PDE1A: variants seen among roughly 807,000 people sequenced by gnomAD.
PDE1A encodes the protein dual specificity calcium/calmodulin-dependent 3',5'-cyclic nucleotide phosphodiesterase 1A.
PDE1A carries 35 observed loss-of-function variants against 61.7 expected under a neutral mutation model. That is an observed-to-expected ratio of 0.57 (90% confidence interval 0.43 to 0.75). PDE1A has a LOEUF of 0.75. Among genes scored for constraint, PDE1A ranks in the 30% least tolerant of loss-of-function variants. The probability of loss-of-function intolerance (pLI) is 0.00; values close to 1 mark genes in which losing one functional copy is unlikely to be tolerated. For missense variants in PDE1A, 597 were observed against 630.6 expected (o/e 0.95, Z 0.57); for synonymous variants, 232 against 213.2 (o/e 1.09, Z -0.77).
At chr2:182,165,337 C>T (rs1691599651), downstream of PDE1A, among the ~76,000 whole-genome samples, 1 of 152,048 alleles carries the variant, frequency 6.6e-6, no homozygotes, top group Non-Finnish European at 1.5e-5. Flanking sequence ...AAAAATGATT[C>T]AACTGAACTG....
the PDE1A span, among the ~76,000 whole-genome samples, chr2:182,533,283 C>G: frequency 6.6e-6 from 1 of 152,190 alleles, no homozygotes; most frequent in Non-Finnish European, 1.5e-5. Flanking sequence ...TGCACTCCAG[C>G]CTGGGTGACA....
chr2:182,360,062 A>G (rs184223571), intron 1 of PDE1A, among the ~76,000 whole-genome samples: 10 of 152,190 alleles, frequency 6.6e-5, no homozygotes, highest in Non-Finnish European at 1.3e-4. Context: ...TGAAAACTAC[A>G]CACTTAAAAT....
At chr2:182,411,004 G>T (rs1324150136) in intron 1 of PDE1A, among the ~76,000 whole-genome samples, 1 of 152,120 alleles carries the variant, frequency 6.6e-6, no homozygotes, top group African/African-American at 2.4e-5. Flanking sequence ...TTTTACTAAG[G>T]TGTAACATTC....
intron 2 of PDE1A, among the ~76,000 whole-genome samples, chr2:182,521,813 T>G (rs964037708): frequency 6.6e-6 from 1 of 152,152 alleles, no homozygotes; most frequent in African/African-American, 2.4e-5. Context: ...AAATATCATT[T>G]AAGCAAAAAG....
At chr2:182,666,055 G>T in the PDE1A span, among the ~76,000 whole-genome samples, 1 of 152,106 alleles carries the variant, frequency 6.6e-6, no homozygotes, top group South Asian at 2.1e-4. Flanking sequence ...AACATACACT[G>T]AGGCCTGTCA....
At chr2:182,549,989 T>C in the PDE1A span, among the ~76,000 whole-genome samples, 3 of 152,186 alleles carry the variant, frequency 2.0e-5, no homozygotes, top group South Asian at 4.1e-4. Context: ...TTCACCTTCA[T>C]AGTCATTCAA....
chr2:182,194,937 T>G (rs1307034399), intron 10 of PDE1A, among the ~76,000 whole-genome samples: 10 of 151,118 alleles, frequency 6.6e-5, no homozygotes, highest in Non-Finnish European at 1.3e-4. Context: ...CTTGAAAGGT[T>G]GCTCTTGAAA....
At chr2:182,185,993 G>A (rs1398006488) in exon 13 of PDE1A, 2 of 1,613,912 alleles carry the variant, frequency 1.2e-6, no homozygotes, top group Admixed American at 3.3e-5. Context: ...GGAGTAGTCT[G>A]GGGAATAGGA....
chr2:182,424,545 G>A (rs893174366), intron 1 of PDE1A, among the ~76,000 whole-genome samples: 2 of 152,230 alleles, frequency 1.3e-5, no homozygotes, highest in East Asian at 1.9e-4. Flanking sequence ...AGAACAAGGT[G>A]CCTAAGAAAG....
At chr2:182,368,403 C>A (rs1412136888) in intron 1 of PDE1A, among the ~76,000 whole-genome samples, 4 of 127,952 alleles carry the variant, frequency 3.1e-5, no homozygotes, top group African/African-American at 1.2e-4. Context: ...CAATACATAA[C>A]ATTTTCCCCT....
downstream of PDE1A, among the ~76,000 whole-genome samples, chr2:182,144,496 T>G (rs998543702): frequency 2.0e-5 from 3 of 152,200 alleles, no homozygotes; most frequent in African/African-American, 7.2e-5. Context: ...TTGAAGGGTT[T>G]CTTTCTTGTC....
intron 10 of PDE1A, among the ~76,000 whole-genome samples, chr2:182,198,829 C>T (rs1044494076): frequency 6.6e-6 from 1 of 151,808 alleles, no homozygotes; most frequent in Admixed American, 6.6e-5. Context: ...ATTATGCTGT[C>T]AAATTTTCCT....
intron 1 of PDE1A, among the ~76,000 whole-genome samples, chr2:182,349,842 AG>A (rs1286603600): frequency 6.6e-6 from 1 of 152,170 alleles, no homozygotes; most frequent in Non-Finnish European, 1.5e-5. Flanking sequence ...AAGCCTCTGG[AG>A]GGTAACAGTA....
chr2:182,366,580 A>G (rs1699849800), intron 1 of PDE1A, among the ~76,000 whole-genome samples: 1 of 152,010 alleles, frequency 6.6e-6, no homozygotes, highest in African/African-American at 2.4e-5. Flanking sequence ...TTTTGAAAGT[A>G]CTATGACTAA....
chr2:182,237,819 A>G (rs1291773240), intron 3 of PDE1A, among the ~76,000 whole-genome samples: 1 of 152,204 alleles, frequency 6.6e-6, no homozygotes, highest in Admixed American at 6.5e-5. Context: ...GCTCCAAGGC[A>G]GGAAAGAGCT....
intron 13 of PDE1A, among the ~76,000 whole-genome samples, chr2:182,176,701 G>A (rs1429459561): frequency 7.2e-6 from 1 of 139,768 alleles, no homozygotes; most frequent in African/African-American, 2.7e-5. Flanking sequence ...TAATTGCCCT[G>A]GCCAGAACTT....
intron 4 of PDE1A, among the ~76,000 whole-genome samples, chr2:182,233,766 A>C (rs1319743851): frequency 8.4e-6 from 1 of 118,384 alleles, no homozygotes; most frequent in African/African-American, 3.3e-5. Context: ...GAAACAAGGC[A>C]CATGAACACC....
At chr2:182,695,512 A>G in the PDE1A span, among the ~76,000 whole-genome samples, 6 of 151,684 alleles carry the variant, frequency 4.0e-5, no homozygotes, top group African/African-American at 1.5e-4. Flanking sequence ...TAAAACTACA[A>G]AAAAATTAGC....
At chr2:182,434,266 A>C (rs1358801359) in intron 2 of PDE1A, among the ~76,000 whole-genome samples, 1 of 152,068 alleles carries the variant, frequency 6.6e-6, no homozygotes, top group African/African-American at 2.4e-5. Context: ...ATTTTGTAAA[A>C]CTTACATTCG....
Sources: allele counts gnomAD v4.1 joint callset (sites outside exome capture counted in the v4.1 genomes callset), GRCh38; gene constraint gnomAD v4.1.1; transcripts MANE v1.5; gene names NCBI Gene and HGNC (gene_info 2026-07-23, HGNC 2026-07-21).